MACROD1: variants seen among roughly 807,000 people sequenced by gnomAD.
MACROD1 encodes the protein mono-ADP ribosylhydrolase 1.
Under a neutral mutation model 41.4 loss-of-function variants are expected in MACROD1, and 31 were observed. The observed-to-expected ratio is 0.75, with a 90% CI of 0.56 to 1.01. The LOEUF is 1.01. Ranked by LOEUF, MACROD1 falls within the 50% of genes least tolerant of loss-of-function variation. The probability of loss-of-function intolerance (pLI) is 0.00; values close to 1 mark genes in which losing one functional copy is unlikely to be tolerated. For synonymous variants in MACROD1, 252 were observed against 203.4 expected (o/e 1.24, Z -2.03); for missense variants, 473 against 460.0 (o/e 1.03, Z -0.26).
At chr11:64,011,451 C>A (rs951599629) in intron 4 of MACROD1, among the ~76,000 whole-genome samples, 2 of 151,736 alleles carry the variant, frequency 1.3e-5, no homozygotes, top group Non-Finnish European at 2.9e-5. Flanking sequence ...GATGTGGGTG[C>A]CAGACTGAGA....
intron 1 of MACROD1, among the ~76,000 whole-genome samples, chr11:64,155,202 C>A (rs1945649028): frequency 6.6e-6 from 1 of 152,118 alleles, no homozygotes; most frequent in Non-Finnish European, 1.5e-5. Flanking sequence ...GTCTTCTAGG[C>A]AGAGGGAACA....
rs1234300649 is a variant in MACROD1, at chr11:63,999,625, C to T, written c.786+17G>A. 1.2e-6 allele frequency: 2 copies of T among 1,609,392 alleles called. No individual in the cohort carries two copies. The highest frequency in any genetic ancestry group is 1.1e-5 in the South Asian group (1 of 90,480). On this transcript the variant is annotated intron_variant, in intron 6 of 10. Transcript: ENST00000255681. The stretch of plus-strand genomic sequence containing the variant: ...CTGCGCCCCGCCTCCCGCCCTCCCC[C>T]GCGGGCCGTCCCTCACCACCGAGCG...
At chr11:64,107,251 A>C (rs2134579207) in intron 3 of MACROD1, among the ~76,000 whole-genome samples, 1 of 152,368 alleles carries the variant, frequency 6.6e-6, no homozygotes, top group South Asian at 2.1e-4. Context: ...AAAAATGGAC[A>C]CAGACAGACA....
intron 3 of MACROD1, among the ~76,000 whole-genome samples, chr11:64,094,045 C>T (rs1944534945): frequency 6.6e-6 from 1 of 152,332 alleles, no homozygotes; most frequent in East Asian, 1.9e-4. Flanking sequence ...GCCTGTAATC[C>T]CAGCACTTTG....
intron 3 of MACROD1, chr11:64,116,430 C>A: frequency 6.2e-7 from 1 of 1,614,054 alleles, no homozygotes; most frequent in Non-Finnish European, 8.5e-7. Flanking sequence ...CACCACCTGC[C>A]CCTCGGTGTG....
chr11:64,147,403 T>C (rs1338427561), intron 3 of MACROD1, among the ~76,000 whole-genome samples: 1 of 150,512 alleles, frequency 6.6e-6, no homozygotes, highest in Non-Finnish European at 1.5e-5. Flanking sequence ...TTCTTTTTTT[T>C]TTTTTGAGAT....
intron 3 of MACROD1, among the ~76,000 whole-genome samples, chr11:64,034,691 C>G (rs1384172520): frequency 6.6e-6 from 1 of 152,158 alleles, no homozygotes; most frequent in Non-Finnish European, 1.5e-5. Flanking sequence ...GGAGGGCATC[C>G]CAGAGGGGAG....
At chr11:63,998,760 C>G (rs754706057) in intron 10 of MACROD1, 73 bp from the exon 11 acceptor site, 13 of 1,427,084 alleles carry the variant, frequency 9.1e-6, no homozygotes, top group Non-Finnish European at 1.2e-5. Flanking sequence ...GTTTCCCGCC[C>G]TGCTTGGGGG....
chr11:64,123,322 C>T (rs750636848), intron 3 of MACROD1, among the ~76,000 whole-genome samples: 45 of 152,100 alleles, frequency 3.0e-4, no homozygotes, highest in South Asian at 1.0e-3. Flanking sequence ...ATTGGCCTTC[C>T]GAGTGCAGAG....
chr11:64,153,914 G>A (rs973936668), intron 1 of MACROD1, among the ~76,000 whole-genome samples: 17 of 151,720 alleles, frequency 1.1e-4, no homozygotes, highest in African/African-American at 3.6e-4. Context: ...AAATAATCCC[G>A]TCCCCTCCCT....
intron 4 of MACROD1, among the ~76,000 whole-genome samples, chr11:64,008,070 G>A (rs1942942559): frequency 1.3e-5 from 2 of 152,260 alleles, no homozygotes; most frequent in Non-Finnish European, 2.9e-5. Flanking sequence ...CGGAGCGCTT[G>A]TGAGCCGGGC....
intron 3 of MACROD1, among the ~76,000 whole-genome samples, chr11:64,148,457 C>T (rs1182015044): frequency 6.6e-6 from 1 of 152,198 alleles, no homozygotes; most frequent in African/African-American, 2.4e-5. Context: ...GTGTGACCCA[C>T]GGCGTTCTCC....
Position 64,036,544 on chromosome 11 carries a change from G to C in MACROD1, c.518-21263C>G, listed in dbSNP as rs1241790022. ...CGTCAGGCCGGTCATGTGGGTCCCA[G>C]CTCCCGCACTCGGGAACCGGAGGAG... On this transcript the variant is annotated intron_variant, in intron 3 of 10. Coordinates refer to ENST00000255681, the MANE Select transcript of MACROD1 (RefSeq NM_014067.4). The surrounding 1 kb of genome is among the most constrained non-coding windows in gnomAD (Gnocchi z 5.6). 6.6e-6 allele frequency among the ~76,000 whole-genome samples: 1 copy of C among 152,132 alleles called. No individual in the cohort carries two copies. The highest frequency in any genetic ancestry group is 1.5e-5 in the Non-Finnish European group (1 of 67,980).
At chr11:64,039,368 G>C (rs1404654445) in intron 3 of MACROD1, among the ~76,000 whole-genome samples, 1 of 152,190 alleles carries the variant, frequency 6.6e-6, no homozygotes, top group East Asian at 1.9e-4. Flanking sequence ...CCAGGCCCTG[G>C]CTGCTGCCCC....
intron 3 of MACROD1, among the ~76,000 whole-genome samples, chr11:64,145,389 T>C (rs1247276219): frequency 6.6e-6 from 1 of 152,110 alleles, no homozygotes; most frequent in East Asian, 1.9e-4. Flanking sequence ...TGTCACATTA[T>C]ACTCTGCTTA....
chr11:64,131,580 C>T (rs767009248), intron 3 of MACROD1, among the ~76,000 whole-genome samples: 4 of 152,298 alleles, frequency 2.6e-5, no homozygotes, highest in East Asian at 3.9e-4. Context: ...CCCGCATCGG[C>T]CTCCCAAAGT....
intron 3 of MACROD1, among the ~76,000 whole-genome samples, chr11:64,045,809 G>C (rs1943574170): frequency 6.6e-6 from 1 of 152,194 alleles, no homozygotes; most frequent in African/African-American, 2.4e-5. Flanking sequence ...AATAACAGGT[G>C]GGCATGCTGG....
intron 3 of MACROD1, among the ~76,000 whole-genome samples, chr11:64,079,521 C>G (rs1944266767): frequency 6.6e-6 from 1 of 152,130 alleles, no homozygotes; most frequent in Admixed American, 6.5e-5. Context: ...CAGTCACCAG[C>G]AAATGCAAAG....
Position 64,166,025 on chromosome 11 carries a change from A to T in MACROD1, c.-31T>A. ...GGCGGCGCGGGACGGCTCTCCGCCC[A>T]CTTGGACTCTATTTACGGCGCTCGG... On this transcript the variant is annotated 5_prime_UTR_variant, in exon 1 of 11. Coordinates refer to ENST00000255681, the MANE Select transcript of MACROD1 (RefSeq NM_014067.4). 1 of 1,252,312 alleles carries T rather than the reference A, an allele frequency of 8.0e-7. No homozygotes were observed. 77.6% of individuals were successfully genotyped at this position (1,252,312 alleles called of 1,614,324 possible).
Sources: allele counts gnomAD v4.1 joint callset (sites outside exome capture counted in the v4.1 genomes callset), GRCh38; gene constraint gnomAD v4.1.1; non-coding constraint Gnocchi (gnomAD v3.1); transcripts MANE v1.5; gene names NCBI Gene and HGNC (gene_info 2026-07-23, HGNC 2026-07-21).